The following ADGB variants were observed in gnomAD, a reference collection of about 807,000 sequenced individuals.
The protein encoded by ADGB is calpain-7-like protein.
ADGB carries 172 observed loss-of-function variants against 210.5 expected under a neutral mutation model. The ratio of observed to expected loss-of-function variants is 0.82; its 90% CI spans 0.72 to 0.93. The LOEUF is 0.93. Ranked by LOEUF, ADGB falls within the 40% of genes least tolerant of loss-of-function variation. The pLI is 0.00. For missense variants in ADGB, 2,025 were observed against 1,964.8 expected (o/e 1.03, Z -0.58); for synonymous variants, 658 against 662.7 (o/e 0.99, Z 0.11).
intron 29 of ADGB, among the ~76,000 whole-genome samples, chr6:146,781,171 CAA>C (rs71031009): frequency 9.9e-5 from 9 of 90,962 alleles, no homozygotes; most frequent in South Asian, 4.4e-4. Context: ...ACTAAAAATA[CAA>C]AAAAAAAAAA....
In ADGB at chr6:146,788,404, G is replaced by A. The variant is rs371070475; in HGVS notation, c.4331G>A (p.Arg1444His). 24 of 1,551,422 alleles carry A rather than the reference G, an allele frequency of 1.5e-5. No homozygotes were observed. The Admixed American group carries it at 2.0e-4, about 13-fold the overall frequency. ...KPKEEVETAA[R>H]GVKEPNSKNS... Reference sequence around the variant, plus strand: ...CATGTTGTAGTAGAAACAGCTGCACGTGGCGTAAAAGAACCAAACTCAAAG... The same window carrying A: ...CATGTTGTAGTAGAAACAGCTGCACATGGCGTAAAAGAACCAAACTCAAAG... Residue 1444 changes from arginine to histidine, a missense_variant, in exon 33 of 36, where the codon CGT becomes CAT. Coordinates refer to ENST00000397944, the MANE Select transcript of ADGB (RefSeq NM_024694.4).
chr6:146,693,520 C>T (rs2114925240), intron 12 of ADGB, among the ~76,000 whole-genome samples: 1 of 152,252 alleles, frequency 6.6e-6, no homozygotes, highest in South Asian at 2.1e-4. Context: ...AGCCACCTAA[C>T]CTGTGGTATT....
At chr6:146,645,850 G>T (rs1057348028) in intron 3 of ADGB, among the ~76,000 whole-genome samples, 6 of 151,736 alleles carry the variant, frequency 4.0e-5, no homozygotes, top group South Asian at 2.1e-4. Context: ...TAAGATATTT[G>T]AAATAAAATA....
chr6:146,784,568 C>T (rs1218631646), intron 30 of ADGB, 50 bp from the exon 31 acceptor site: 18 of 1,394,584 alleles, frequency 1.3e-5, no homozygotes, highest in Non-Finnish European at 1.7e-5. Context: ...AATCTAGACC[C>T]TTTTGAAAGA....
chr6:146,734,840 G>A (rs1028227741), intron 22 of ADGB, among the ~76,000 whole-genome samples: 7 of 152,092 alleles, frequency 4.6e-5, no homozygotes, highest in African/African-American at 1.7e-4. Flanking sequence ...AACCCAGGAG[G>A]TGGTGGTTGC....
intron 1 of ADGB, among the ~76,000 whole-genome samples, chr6:146,600,015 A>T (rs1728139304): frequency 6.6e-6 from 1 of 152,078 alleles, no homozygotes; most frequent in Admixed American, 6.6e-5. Context: ...GAAGAATTCC[A>T]CATTGGACTG....
chr6:146,606,653 A>G (rs1780632337), intron 1 of ADGB, among the ~76,000 whole-genome samples: 1 of 152,244 alleles, frequency 6.6e-6, no homozygotes, highest in East Asian at 1.9e-4. Flanking sequence ...TTTATTGAAC[A>G]GAAAGTCCTT....
At chr6:146,632,080 A>T (rs1249594942) in intron 1 of ADGB, among the ~76,000 whole-genome samples, 1 of 152,088 alleles carries the variant, frequency 6.6e-6, no homozygotes, top group Non-Finnish European at 1.5e-5. Context: ...AATATCACAA[A>T]CTTAATGGCT....
At position 146,666,833 on chromosome 6, in the gene ADGB, G is replaced by A; in HGVS notation, c.770G>A (p.Arg257Lys). 6.5e-7 allele frequency: 1 copy of A among 1,548,254 alleles called. No individual in the cohort carries two copies. The highest frequency in any genetic ancestry group is 8.7e-7 in the Non-Finnish European group (1 of 1,144,448). The change falls in exon 7 of 36, where the codon AGG (arginine) becomes AAG (lysine). Residue 257 changes from arginine to lysine, a missense_variant. By Grantham distance (26) the Arg-to-Lys change is conservative. Coordinates refer to ENST00000397944, the MANE Select transcript of ADGB (RefSeq NM_024694.4). ...LANIDIHVAD[R>K]RELGEFTVIH... ...TTTTTTAGCATCCATGTAGCAGACA[G>A]GAGAGAGCTGGGGGAGTTCACGGTT...
intron 1 of ADGB, among the ~76,000 whole-genome samples, chr6:146,600,926 GCACACACACACACACACA>G (rs35082520): frequency 3.5e-5 from 5 of 144,454 alleles, no homozygotes; most frequent in African/African-American, 1.1e-4. Context: ...TCCCCCATGC[GCACACACACACACACACA>G]CACACACACA....
chr6:146,741,033 A>T (rs1373263778), intron 24 of ADGB, 85 bp from the exon 25 acceptor site: 6 of 1,126,296 alleles, frequency 5.3e-6, no homozygotes, highest in African/African-American at 1.6e-5. Context: ...TTGGATTTTT[A>T]AAAAAATTTC....
chr6:146,785,765 A>C (rs1008874523), intron 32 of ADGB, 53 bp downstream of exon 32: 12 of 1,293,722 alleles, frequency 9.3e-6, no homozygotes, highest in Non-Finnish European at 1.3e-5. Context: ...TGTGATTTGC[A>C]CTTCTTAAAA....
chr6:146,604,448 G>T (rs1280235703), intron 1 of ADGB, among the ~76,000 whole-genome samples: 6 of 151,774 alleles, frequency 4.0e-5, no homozygotes, highest in Non-Finnish European at 8.8e-5. Context: ...GCCCCCCTTT[G>T]TTTCCCCCAA....
At chr6:146,649,762 AATTACAGGTGTGAGCCAC>A (rs2114877358) in intron 3 of ADGB, among the ~76,000 whole-genome samples, 1 of 152,136 alleles carries the variant, frequency 6.6e-6, no homozygotes, top group South Asian at 2.1e-4. Context: ...ATAGTGTTGG[AATTACAGGTGTGAGCCAC>A]CATGACTGGC....
chr6:146,745,940 G>A lies in ADGB; in HGVS notation c.3196G>A (p.Ala1066Thr). 1 of 1,546,926 alleles carries A rather than the reference G, an allele frequency of 6.5e-7. No homozygotes were observed. The highest frequency in any genetic ancestry group is 2.4e-5 in the East Asian group (1 of 40,848). ...CTTATAGAAGGGATACACTTTTGTG[G>A]CGGAAGCATTTACAGGCGACACATA... is the stretch of plus-strand genomic sequence containing the variant. ...TKNKKGYTFV[A>T]EAFTGDTYVA... is the part of the protein sequence containing the mutation. Residue 1066 changes from alanine (A) to threonine (T), a missense_variant, in exon 26 of 36, where the codon GCG (alanine) becomes ACG (threonine). By Grantham distance (58) the Ala-to-Thr change is moderately conservative. Coordinates refer to ENST00000397944, the MANE Select transcript of ADGB (RefSeq NM_024694.4).
chr6:146,721,553 C>T, intron 17 of ADGB, 48 bp downstream of exon 17: 1 of 505,994 alleles, frequency 2.0e-6, no homozygotes, highest in Non-Finnish European at 2.9e-6. Flanking sequence ...AGATCATGTT[C>T]AGGCTAGGGC....
intron 35 of ADGB, among the ~76,000 whole-genome samples, chr6:146,810,286 A>G (rs1349903879): frequency 6.6e-6 from 1 of 151,624 alleles, no homozygotes; most frequent in South Asian, 2.1e-4. Flanking sequence ...GATGGCTTTT[A>G]TCATAAAGAC....
chr6:146,767,602 G>T (rs1777595253), intron 28 of ADGB, among the ~76,000 whole-genome samples: 1 of 152,076 alleles, frequency 6.6e-6, no homozygotes, highest in Non-Finnish European at 1.5e-5. Flanking sequence ...TGGAGTAGCT[G>T]GGATTATAGG....
intron 10 of ADGB, among the ~76,000 whole-genome samples, chr6:146,689,033 G>A (rs765700082): frequency 1.3e-5 from 2 of 152,058 alleles, no homozygotes; most frequent in Non-Finnish European, 2.9e-5. Flanking sequence ...TATTCTAATG[G>A]TTTTAGTTTT....
Sources: allele counts gnomAD v4.1 joint callset (sites outside exome capture counted in the v4.1 genomes callset), GRCh38; gene constraint gnomAD v4.1.1; transcripts MANE v1.5; gene names NCBI Gene and HGNC (gene_info 2026-07-23, HGNC 2026-07-21).